ZNF740: variants seen among roughly 807,000 people sequenced by gnomAD.
The protein encoded by ZNF740 is oriLyt TD-element-binding protein 7.
In ZNF740, 14 loss-of-function variants were observed where a neutral mutation model predicts 24.8. The ratio of observed to expected loss-of-function variants is 0.56; its 90% confidence interval spans 0.37 to 0.88. The LOEUF (loss-of-function observed/expected upper bound fraction) is 0.88, where lower values mean the gene tolerates loss of function less well. ZNF740 is among the 40% of genes least tolerant of loss of function. The pLI is 0.00. For synonymous variants in ZNF740, 69 were observed against 84.0 expected (o/e 0.82, Z 0.98); for missense variants, 201 against 247.9 (o/e 0.81, Z 1.27).
rs1233709300 is a variant in ZNF740 at position 53,194,053 on chromosome 12, C to T, written c.*6463C>T. 13 of 1,363,040 alleles carry T rather than the reference C, an allele frequency of 9.5e-6. No individual in the cohort carries two copies. The highest frequency in any genetic ancestry group is 1.1e-5 in the Non-Finnish European group (11 of 979,680). The allele number at this position is 1,363,040 out of a possible 1,614,324, so 84.4% of individuals were successfully genotyped here. On this transcript the variant is annotated 3_prime_UTR_variant, in exon 7 of 7. Transcript: ENST00000416904. The stretch of plus-strand genomic sequence containing the variant: ...TAGAAACATGCCTGAGGAAGCCACT[C>T]AGACTGCTCCAGGAAGGATGGATGG...
At position 53,193,043 on chromosome 12, in the gene ZNF740, C is replaced by T. The variant is rs2120415872; in HGVS notation, c.*5453C>T. ...CACCCTCTAACCCATACACCGGAAT[C>T]TTTTGATATTTGCCTTCCATGCCAG... On this transcript the variant is annotated 3_prime_UTR_variant, in exon 7 of 7. Coordinates refer to ENST00000416904, the MANE Select transcript of ZNF740 (RefSeq NM_001004304.4). The T allele has an allele frequency of 7.2e-7, 1 of 1,386,396 alleles. No homozygotes were observed. Among genetic ancestry groups the T allele is most frequent in the Non-Finnish European group, 1.0e-6 (1 of 999,602 alleles). The allele number at this position is 1,386,396 out of a possible 1,614,324, so 85.9% of individuals were successfully genotyped here. A position where few individuals can be genotyped will look rare whatever the true frequency, so the allele number is the denominator to read the frequency against.
In ZNF740 at chr12:53,184,114, G is replaced by GGTGTGTGTGTGTGTGTGT. The variant is rs754768891; in HGVS notation, c.10-757_10-740dup. ...TCAAAAGTGGGCTCTGAAGCTAAGG[G>GGTGTGTGTGTGTGTGTGT]GTGTGTGTGTGTGTGTGTGTGTGTG... On this transcript the variant is annotated intron_variant, in intron 2 of 6. Coordinates refer to ENST00000416904, the MANE Select transcript of ZNF740 (RefSeq NM_001004304.4). Among the ~76,000 whole-genome samples the GGTGTGTGTGTGTGTGTGT allele has an allele frequency of 2.9e-3, 359 of 123,514 alleles. 2 individuals are homozygous for GGTGTGTGTGTGTGTGTGT. Among genetic ancestry groups the GGTGTGTGTGTGTGTGTGT allele is most frequent in the East Asian group, 0.015 (60 of 3,880 alleles). The allele number at this position is 123,514 out of a possible 152,430, so 81.0% of individuals were successfully genotyped here.
At chr12:53,183,471 T>C (rs1941743114) in intron 2 of ZNF740, among the ~76,000 whole-genome samples, 1 of 152,240 alleles carries the variant, frequency 6.6e-6, no homozygotes, top group Non-Finnish European at 1.5e-5. Context: ...GTGAGTTTGC[T>C]GACCAACGAT....
Position 53,193,087 on chromosome 12 carries a change from G to T in ZNF740, c.*5497G>T. On this transcript the variant is annotated 3_prime_UTR_variant, in exon 7 of 7. Transcript: ENST00000416904. ...ATGCCAGGAGATTCCCAGAGCCTAA[G>T]TGCCTTGGGAAGGCCTCTCAGACCC... 1 of 1,504,742 alleles carries T rather than the reference G, an allele frequency of 6.6e-7. No individual in the cohort carries two copies. The highest frequency in any genetic ancestry group is 9.1e-7 in the Non-Finnish European group (1 of 1,094,366). 93.2% of individuals were successfully genotyped at this position (1,504,742 alleles called of 1,614,324 possible). A position where few individuals can be genotyped will look rare whatever the true frequency, so the allele number is the denominator to read the frequency against.
At position 53,192,625 on chromosome 12, in the gene ZNF740, A is replaced by C; in HGVS notation, c.*5035A>C. On this transcript the variant is annotated 3_prime_UTR_variant, in exon 7 of 7. Transcript: ENST00000416904. ...ACTACAAGCAGGACGGAGAGTAGGC[A>C]GATGGGAGTAGCTCAACAAGCCCCA... The C allele has an allele frequency of 1.3e-6, 2 of 1,595,856 alleles. No homozygotes were observed. Among genetic ancestry groups the C allele is most frequent in the South Asian group, 2.2e-5 (2 of 90,676 alleles).
intron 4 of ZNF740, 30 bp downstream of exon 4, chr12:53,185,506 TAC>T: frequency 1.3e-6 from 2 of 1,580,626 alleles, no homozygotes; most frequent in Non-Finnish European, 1.7e-6. Flanking sequence ...CCCAAACTCA[TAC>T]AGTTTGGTAA....
intron 2 of ZNF740, among the ~76,000 whole-genome samples, chr12:53,184,517 A>G (rs1941785450): frequency 6.6e-6 from 1 of 152,154 alleles, no homozygotes; most frequent in Admixed American, 6.5e-5. Flanking sequence ...GGAAGGAGGA[A>G]GGTCCTGAAG....
In ZNF740 at chr12:53,193,213, A is replaced by G. The variant is rs1458684787; in HGVS notation, c.*5623A>G. On this transcript the variant is annotated 3_prime_UTR_variant, in exon 7 of 7. Transcript: ENST00000416904. ...CGCACAGATGCCCAGAGCTCTGTCC[A>G]CTGCAGCTGCAGCGTCCACATTGAC... The G allele has an allele frequency of 3.7e-6, 6 of 1,613,918 alleles. No individual in the cohort carries two copies. The Admixed American group carries it at 6.7e-5, about 18-fold the overall frequency.
At position 53,194,139 on chromosome 12, in the gene ZNF740, T is replaced by A; in HGVS notation, c.*6549T>A. The A allele has an allele frequency of 6.2e-7, 1 of 1,608,436 alleles. No homozygotes were observed. Among genetic ancestry groups the A allele is most frequent in the Non-Finnish European group, 8.5e-7 (1 of 1,176,002 alleles). The stretch of plus-strand genomic sequence containing the variant: ...CTGCCACCCATCTTTTCCTGCCTGC[T>A]TAATTTCCCACTCCCACCTCCCCCT... On this transcript the variant is annotated 3_prime_UTR_variant, in exon 7 of 7. Coordinates refer to ENST00000416904, the MANE Select transcript of ZNF740 (RefSeq NM_001004304.4).
chr12:53,181,040 G>T (rs911438128), intron 1 of ZNF740: 3 of 873,468 alleles, frequency 3.4e-6, no homozygotes, highest in Middle Eastern at 5.5e-4. Context: ...CGCGTCCCCG[G>T]CCCGGGAGAG....
Position 53,185,322 on chromosome 12 carries a change from C to A in ZNF740, c.160-65C>A. On this transcript the variant is annotated intron_variant, in intron 3 of 6. Transcript: ENST00000416904. ...CTCATTTATGAATTTTGTCTGAGAG[C>A]TGCATTGGGTCTCATCTCATGTTCC... 3 of 1,526,616 alleles carry A rather than the reference C, an allele frequency of 2.0e-6. No homozygotes were observed. In the East Asian group the frequency reaches 6.8e-5, roughly 35 times the overall value. The allele number at this position is 1,526,616 out of a possible 1,614,324, so 94.6% of individuals were successfully genotyped here.
rs905776463 is a variant in ZNF740, at chr12:53,181,098, C to T, written c.-308+261C>T. ...GCGAGCACGCATCTCGCGCGCTTCT[C>T]GGCACTCTCCGGCTCTGCTCCCGGT... On this transcript the variant is annotated intron_variant, in intron 1 of 6. Coordinates refer to ENST00000416904, the MANE Select transcript of ZNF740 (RefSeq NM_001004304.4). 8 of 929,664 alleles carry T rather than the reference C, an allele frequency of 8.6e-6. No homozygotes were observed. The South Asian group carries it at 3.0e-4, about 35-fold the overall frequency. 57.6% of individuals were successfully genotyped at this position (929,664 alleles called of 1,614,324 possible).
rs182971155 is a variant in ZNF740, at chr12:53,193,461, T to C, written c.*5871T>C. 2.1e-4 allele frequency: 190 copies of C among 909,524 alleles called. 1 individual carries two copies. The African/African-American group carries it at 2.2e-3, about 10-fold the overall frequency. 56.3% of individuals were successfully genotyped at this position (909,524 alleles called of 1,614,324 possible). A position where few individuals can be genotyped will look rare whatever the true frequency, so the allele number is the denominator to read the frequency against. On this transcript the variant is annotated 3_prime_UTR_variant, in exon 7 of 7. Transcript: ENST00000416904. ...CTCTAAACCCAAGTTCTCAAAAGAG[T>C]TGGAGACAGACAAACAGCTGAAAGG...
Position 53,193,341 on chromosome 12 carries a change from G to C in ZNF740, c.*5751G>C. 1 of 1,590,608 alleles carries C rather than the reference G, an allele frequency of 6.3e-7. No homozygotes were observed. Among genetic ancestry groups the C allele is most frequent in the Non-Finnish European group, 8.6e-7 (1 of 1,165,184 alleles). ...TCTGCCACAGAGCACTCACAGAGCC[G>C]ACCTAGGCGGCCAGGGGCACAGCTG... On this transcript the variant is annotated 3_prime_UTR_variant, in exon 7 of 7. Coordinates refer to ENST00000416904, the MANE Select transcript of ZNF740 (RefSeq NM_001004304.4).
Position 53,194,107 on chromosome 12 carries a change from C to A in ZNF740, c.*6517C>A. 6.4e-7 allele frequency: 1 copy of A among 1,562,468 alleles called. No individual in the cohort carries two copies. Among genetic ancestry groups the A allele is most frequent in the Non-Finnish European group, 8.8e-7 (1 of 1,141,200 alleles). On this transcript the variant is annotated 3_prime_UTR_variant, in exon 7 of 7. Transcript: ENST00000416904. Reference sequence around the variant, plus strand: ...ACTACCTCAGGCTCTCATGTCACTCCCTGTACCTGCCACCCATCTTTTCCT... The same window carrying A: ...ACTACCTCAGGCTCTCATGTCACTCACTGTACCTGCCACCCATCTTTTCCT...
chr12:53,181,885 A>G lies in ZNF740; in HGVS notation c.-99A>G, dbSNP rs890436533. 7 of 1,476,906 alleles carry G rather than the reference A, an allele frequency of 4.7e-6. No individual in the cohort carries two copies. In the Admixed American group the frequency reaches 6.0e-5, roughly 13 times the overall value. The allele number at this position is 1,476,906 out of a possible 1,614,324, so 91.5% of individuals were successfully genotyped here. A position where few individuals can be genotyped will look rare whatever the true frequency, so the allele number is the denominator to read the frequency against. ...ACTGATGGGACACGAAGGAGTCGCT[A>G]CCGTGATTTGGTGACAGTTCTTCAA... On this transcript the variant is annotated 5_prime_UTR_variant, in exon 2 of 7. Coordinates refer to ENST00000416904, the MANE Select transcript of ZNF740 (RefSeq NM_001004304.4).
At position 53,194,531 on chromosome 12, in the gene ZNF740, A is replaced by G. The variant is rs1384093942; in HGVS notation, c.*6941A>G. 6 of 569,352 alleles carry G rather than the reference A, an allele frequency of 1.1e-5. No individual in the cohort carries two copies. The highest frequency in any genetic ancestry group is 1.9e-5 in the Non-Finnish European group (6 of 319,046). 35.3% of individuals were successfully genotyped at this position (569,352 alleles called of 1,614,324 possible). A position where few individuals can be genotyped will look rare whatever the true frequency, so the allele number is the denominator to read the frequency against. On this transcript the variant is annotated 3_prime_UTR_variant, in exon 7 of 7. Coordinates refer to ENST00000416904, the MANE Select transcript of ZNF740 (RefSeq NM_001004304.4). ...CGTGAGAACCTTGCATAGAACATAC[A>G]GGATCCAGAGGCCTCTAATACAGCA...
rs77508213 is a variant in ZNF740 at position 53,182,564 on chromosome 12, C to T, written c.9+572C>T. The stretch of plus-strand genomic sequence containing the variant: ...GGTATGTACATAGGAGAGAACAGTA[C>T]TTCTGCTTGGATAGAAAAAGAAGAT... On this transcript the variant is annotated intron_variant, in intron 2 of 6. Transcript: ENST00000416904. Among the ~76,000 whole-genome samples the T allele has an allele frequency of 3.0e-3, 460 of 152,062 alleles. 1 individual carries two copies. Among genetic ancestry groups the T allele is most frequent in the African/African-American group, 0.01 (435 of 41,470 alleles).
At chr12:53,185,843 A>T in intron 4 of ZNF740, 111 bp from the exon 5 acceptor site, 1 of 1,411,678 alleles carries the variant, frequency 7.1e-7, no homozygotes, top group Non-Finnish European at 9.6e-7. Context: ...ACCTTTAGAC[A>T]GCATCAGAGA....
Sources: gnomAD v4.1 joint callset for allele counts (sites outside exome capture counted in the v4.1 genomes callset) on GRCh38, gnomAD v4.1.1 for gene constraint, MANE v1.5 for transcripts, NCBI Gene and HGNC (gene_info 2026-07-23, HGNC 2026-07-21) for gene names.